The following SLC18A1 variants were observed in gnomAD, a reference collection of about 807,000 sequenced individuals.
SLC18A1 encodes the protein solute carrier family 18 member A1, also known as chromaffin granule amine transporter.
In SLC18A1, 69 loss-of-function variants were observed where a neutral mutation model predicts 53.7. The ratio of observed to expected loss-of-function variants is 1.28; its 90% CI spans 1.06 to 1.57. The LOEUF is 1.57. Among genes scored for constraint, SLC18A1 ranks in the 40% most tolerant of loss-of-function variants. The pLI is 0.00. For missense variants in SLC18A1, 932 were observed against 668.1 expected (o/e 1.40, Z -4.35); for synonymous variants, 320 against 248.1 (o/e 1.29, Z -2.72).
At chr8:20,171,537 G>C (rs2072117188) in intron 6 of SLC18A1, 43 bp from the exon 7 acceptor site, 2 of 1,448,324 alleles carry the variant, frequency 1.4e-6, no homozygotes, top group Non-Finnish European at 1.9e-6. Flanking sequence ...GTGAGGGTGA[G>C]TCCTTTGCAG....
intron 8 of SLC18A1, among the ~76,000 whole-genome samples, chr8:20,167,911 G>A (rs576612372): frequency 4.6e-5 from 7 of 152,074 alleles, no homozygotes; most frequent in East Asian, 1.9e-4. Flanking sequence ...GTGAACCACC[G>A]TGCCCGGCCC....
chr8:20,167,419 G>C (rs543730749), intron 8 of SLC18A1, among the ~76,000 whole-genome samples: 2 of 152,072 alleles, frequency 1.3e-5, no homozygotes, highest in East Asian at 1.9e-4. Flanking sequence ...GTATAATAGG[G>C]GGAGACAAAT....
chr8:20,155,108 T>C (rs111628201), intron 10 of SLC18A1, among the ~76,000 whole-genome samples: 1 of 151,994 alleles, frequency 6.6e-6, no homozygotes, highest in African/African-American at 2.4e-5. Context: ...TTCCATTCCT[T>C]GGAATCTGTG....
chr8:20,151,651 C>T (rs1037685272), intron 10 of SLC18A1, among the ~76,000 whole-genome samples: 1 of 152,176 alleles, frequency 6.6e-6, no homozygotes, highest in Non-Finnish European at 1.5e-5. Flanking sequence ...GAACACATGG[C>T]TTTTTGTGAC....
chr8:20,151,365 A>G (rs1554534477), intron 10 of SLC18A1, among the ~76,000 whole-genome samples: 4 of 152,040 alleles, frequency 2.6e-5, no homozygotes, highest in Non-Finnish European at 4.4e-5. Context: ...GTTCTCATGT[A>G]TAAAATACCC....
At chr8:20,150,096 T>C (rs1047063373) in intron 11 of SLC18A1, among the ~76,000 whole-genome samples, 1 of 152,226 alleles carries the variant, frequency 6.6e-6, no homozygotes, top group Admixed American at 6.5e-5. Flanking sequence ...TATTTGGTCC[T>C]TGAGGTCTGT....
intron 10 of SLC18A1, among the ~76,000 whole-genome samples, chr8:20,162,661 C>T (rs1464351397): frequency 2.0e-5 from 3 of 152,154 alleles, no homozygotes; most frequent in Non-Finnish European, 2.9e-5. Context: ...ACAAGGATGG[C>T]CTTTACTCTA....
chr8:20,174,969 C>T (rs552409624), intron 4 of SLC18A1, among the ~76,000 whole-genome samples: 10 of 152,254 alleles, frequency 6.6e-5, no homozygotes, highest in South Asian at 2.1e-4. Flanking sequence ...TTATATTGAA[C>T]GATCTTTTAA....
chr8:20,178,506 T>TTA lies in SLC18A1; in HGVS notation c.489-14_489-13insTA. 3 of 1,499,514 alleles carry TTA rather than the reference T, an allele frequency of 2.0e-6. No homozygotes were observed. Among genetic ancestry groups the TTA allele is most frequent in the Non-Finnish European group, 2.7e-6 (3 of 1,102,462 alleles). The allele number at this position is 1,499,514 out of a possible 1,614,324, so 92.9% of individuals were successfully genotyped here. A position where few individuals can be genotyped will look rare whatever the true frequency, so the allele number is the denominator to read the frequency against. On this transcript the variant is annotated splice_polypyrimidine_tract_variant and intron_variant, in intron 3 of 15. Coordinates refer to ENST00000276373, the MANE Select transcript of SLC18A1 (RefSeq NM_003053.4). ...ATGATATCCAATCCTAAAAGGGAAT[T>TTA]GAAAAAAAAAAAGATACAATTCCAA...
chr8:20,162,808 T>A (rs1482242126), intron 10 of SLC18A1, among the ~76,000 whole-genome samples: 3 of 152,204 alleles, frequency 2.0e-5, no homozygotes, highest in Non-Finnish European at 4.4e-5. Flanking sequence ...ATAGCTCTCC[T>A]CTTCTTCTGA....
At chr8:20,149,798 A>C in intron 11 of SLC18A1, 71 bp from the exon 12 acceptor site, 2 of 1,429,988 alleles carry the variant, frequency 1.4e-6, no homozygotes, top group Non-Finnish European at 2.0e-6. Flanking sequence ...CATCACCGCC[A>C]TGCTGACCTG....
intron 10 of SLC18A1, among the ~76,000 whole-genome samples, chr8:20,160,696 T>A (rs1193351099): frequency 6.6e-6 from 1 of 152,180 alleles, no homozygotes; most frequent in African/African-American, 2.4e-5. Flanking sequence ...TCTGTTTTAT[T>A]TTTGCTGCTG....
intron 14 of SLC18A1, 70 bp from the exon 15 acceptor site, chr8:20,147,461 CTA>C (rs1473805502): frequency 1.9e-6 from 3 of 1,578,472 alleles, no homozygotes; most frequent in African/African-American, 2.7e-5. Context: ...ACGTAGGACA[CTA>C]TGCTAGGGGC....
chr8:20,168,142 A>G (rs1165240563), intron 8 of SLC18A1, among the ~76,000 whole-genome samples: 1 of 152,128 alleles, frequency 6.6e-6, no homozygotes, highest in African/African-American at 2.4e-5. Context: ...TTGAGCATCA[A>G]AATAATTAAG....
chr8:20,145,933 T>C (rs2071385360), intron 15 of SLC18A1, 57 bp from the exon 16 acceptor site: 1 of 1,008,374 alleles, frequency 9.9e-7, no homozygotes, highest in African/African-American at 1.7e-5. Context: ...TTTTTTTTTT[T>C]GAGACGGAGT....
chr8:20,178,060 C>G (rs895774194), intron 4 of SLC18A1, among the ~76,000 whole-genome samples: 4 of 151,640 alleles, frequency 2.6e-5, no homozygotes, highest in African/African-American at 9.7e-5. Flanking sequence ...AAAATAATAT[C>G]ATTGCTTCTC....
intron 1 of SLC18A1, among the ~76,000 whole-genome samples, chr8:20,182,205 A>T (rs2072447136): frequency 6.6e-6 from 1 of 152,220 alleles, no homozygotes; most frequent in Non-Finnish European, 1.5e-5. Context: ...CTCTACTACA[A>T]GGAACCCATC....
intron 2 of SLC18A1, among the ~76,000 whole-genome samples, chr8:20,180,169 T>A (rs1351994238): frequency 6.7e-6 from 1 of 150,132 alleles, no homozygotes; most frequent in Non-Finnish European, 1.5e-5. Flanking sequence ...GATTCAGTAT[T>A]CACTAATTCA....
intron 9 of SLC18A1, 30 bp from the exon 10 acceptor site, chr8:20,164,994 G>C: frequency 1.2e-6 from 2 of 1,613,618 alleles, no homozygotes; most frequent in East Asian, 4.5e-5. Flanking sequence ...AGCAGCCGTG[G>C]CTGCTTGAAG....
Sources: gnomAD v4.1 joint callset for allele counts (sites outside exome capture counted in the v4.1 genomes callset) on GRCh38, gnomAD v4.1.1 for gene constraint, MANE v1.5 for transcripts, NCBI Gene and HGNC (gene_info 2026-07-23, HGNC 2026-07-21) for gene names.